Variants in BRWD3 observed in about 807,000 individuals in gnomAD.
BRWD3 encodes the protein bromodomain and WD repeat domain containing 3.
Under a neutral mutation model 149.7 loss-of-function variants are expected in BRWD3, and 10 were observed. That is an observed-to-expected ratio of 0.07 (90% CI 0.04 to 0.11). The LOEUF is 0.11. Among genes scored for constraint, BRWD3 ranks in the 10% least tolerant of loss-of-function variants. BRWD3 has a pLI of 1.00. For missense variants in BRWD3, 940 were observed against 1,373.2 expected (o/e 0.68, Z 4.99); for synonymous variants, 504 against 456.7 (o/e 1.10, Z -1.32).
chrX:80,732,940 C>A (rs997865462), intron 12 of BRWD3, among the ~76,000 whole-genome samples: 1 of 111,029 alleles, frequency 9.0e-6, no homozygotes, highest in Non-Finnish European at 1.9e-5. Context: ...GAGATCAAGA[C>A]CATCCTGGTG....
At chrX:80,744,515 T>A (rs1484780406) in intron 7 of BRWD3, among the ~76,000 whole-genome samples, 1 of 112,421 alleles carries the variant, frequency 8.9e-6, no homozygotes, top group Non-Finnish European at 1.9e-5. Flanking sequence ...CAAAATATTT[T>A]AAACTCACTT....
intron 9 of BRWD3, among the ~76,000 whole-genome samples, chrX:80,735,420 ATT>A: frequency 1.8e-5 from 2 of 111,781 alleles, no homozygotes; most frequent in Non-Finnish European, 3.8e-5. Flanking sequence ...TATTAACCAT[ATT>A]ACTTACTACT....
At chrX:80,689,746 C>T (rs2072585856) in intron 33 of BRWD3, 22 bp downstream of exon 33, 1 of 1,149,412 alleles carries the variant, frequency 8.7e-7, no homozygotes, top group South Asian at 1.8e-5. Flanking sequence ...CTCATTCCTA[C>T]TAATCATGCT....
chrX:80,741,827 C>T (rs1391017595), intron 8 of BRWD3, among the ~76,000 whole-genome samples: 2 of 111,695 alleles, frequency 1.8e-5, no homozygotes, highest in Admixed American at 1.9e-4. Flanking sequence ...GTCAGATGAG[C>T]AGGTTGCAAA....
rs1338951519 is a variant in BRWD3 at position 80,731,892 on chromosome X, C to G, written c.1127+1564G>C. Among the ~76,000 whole-genome samples, 9 of 54,388 alleles carry G rather than the reference C, an allele frequency of 1.7e-4. No individual in the cohort carries two copies. The Admixed American group carries it at 2.4e-3, about 15-fold the overall frequency. 47.2% of individuals were successfully genotyped at this position (54,388 alleles called of 115,157 possible). On this transcript the variant is annotated intron_variant, in intron 12 of 40. Coordinates refer to ENST00000373275, the MANE Select transcript of BRWD3 (RefSeq NM_153252.5). The stretch of plus-strand genomic sequence containing the variant: ...CCTGGGTGACAGAGCGAGACTCTGT[C>G]TCAAAAAAAAAAAAAAAAAAAAAAA...
intron 18 of BRWD3, 34 bp downstream of exon 18, chrX:80,719,455 A>G: frequency 8.7e-7 from 1 of 1,147,276 alleles, no homozygotes; most frequent in South Asian, 1.8e-5. Context: ...TACAGTACAT[A>G]AACTACACCC....
chrX:80,754,913 C>A (rs899105349), intron 6 of BRWD3, among the ~76,000 whole-genome samples: 1 of 111,221 alleles, frequency 9.0e-6, no homozygotes, highest in Non-Finnish European at 1.9e-5. Context: ...GAGGCTGAGG[C>A]CAGAGAATCT....
chrX:80,788,475 G>A (rs189929587), intron 6 of BRWD3, among the ~76,000 whole-genome samples: 5 of 111,751 alleles, frequency 4.5e-5, no homozygotes, highest in East Asian at 2.8e-4. Context: ...GATACCAACC[G>A]ACAGTATCAG....
At chrX:80,771,010 A>G (rs2073937733) in intron 6 of BRWD3, among the ~76,000 whole-genome samples, 1 of 111,680 alleles carries the variant, frequency 9.0e-6, no homozygotes, top group Non-Finnish European at 1.9e-5. Flanking sequence ...CAATTGCTAC[A>G]AAGAGAATAA....
In BRWD3 at chrX:80,750,893, C is replaced by CACACACACAT. The variant is rs1555977578; in HGVS notation, c.431-5165_431-5164insATGTGTGTGT. Among the ~76,000 whole-genome samples the CACACACACAT allele has an allele frequency of 1.8e-3, 191 of 107,137 alleles. 1 individual carries two copies. Among genetic ancestry groups the CACACACACAT allele is most frequent in the African/African-American group, 6.2e-3 (183 of 29,430 alleles). 93.0% of individuals were successfully genotyped at this position (107,137 alleles called of 115,157 possible). A position where few individuals can be genotyped will look rare whatever the true frequency, so the allele number is the denominator to read the frequency against. ...ACACACACACACACACACACACACA[C>CACACACACAT]GCAAAAATCATTAAGTCTTATAAAG... On this transcript the variant is annotated intron_variant, in intron 6 of 40. Coordinates refer to ENST00000373275, the MANE Select transcript of BRWD3 (RefSeq NM_153252.5).
chrX:80,744,928 C>T (rs777602626), intron 7 of BRWD3, among the ~76,000 whole-genome samples: 2 of 111,709 alleles, frequency 1.8e-5, no homozygotes, highest in South Asian at 7.4e-4. Context: ...TCCCGAATAA[C>T]TTCCACTTCA....
intron 21 of BRWD3, among the ~76,000 whole-genome samples, chrX:80,708,157 A>ACC (rs1022957659): frequency 3.6e-5 from 4 of 111,846 alleles, no homozygotes; most frequent in Admixed American, 2.9e-4. Context: ...GCACTTTGGA[A>ACC]GGCCAAGGCA....
intron 13 of BRWD3, 123 bp downstream of exon 13, chrX:80,729,793 A>C (rs2073300203): frequency 1.9e-6 from 1 of 531,014 alleles, no homozygotes; most frequent in East Asian, 3.8e-5. Flanking sequence ...TACAGATGCA[A>C]ACTTCATGTC....
chrX:80,770,858 G>A (rs1047541259), intron 6 of BRWD3, among the ~76,000 whole-genome samples: 11 of 111,699 alleles, frequency 9.8e-5, no homozygotes, highest in African/African-American at 3.6e-4. Context: ...AAACCCCACT[G>A]TCTCAGCCCA....
rs754156762 is a variant in BRWD3, at chrX:80,772,903, C to G, written c.430+18951G>C. Among the ~76,000 whole-genome samples, 6 of 112,024 alleles carry G rather than the reference C, an allele frequency of 5.4e-5. No homozygotes were observed. The East Asian group carries it at 1.7e-3, about 32-fold the overall frequency. ...GACATCCATACCACAGAATATCACT[C>G]AGCAATGAAAAGGAATGAATACTGA... On this transcript the variant is annotated intron_variant, in intron 6 of 40. Transcript: ENST00000373275.
chrX:80,766,670 C>T (rs911232653), intron 6 of BRWD3, among the ~76,000 whole-genome samples: 5 of 111,794 alleles, frequency 4.5e-5, no homozygotes, highest in African/African-American at 1.3e-4. Flanking sequence ...GGAACAGCTC[C>T]GGTCTGCAGC....
intron 30 of BRWD3, 136 bp from the exon 31 acceptor site, chrX:80,691,309 A>T: frequency 6.1e-6 from 4 of 651,283 alleles, no homozygotes; most frequent in Non-Finnish European, 9.2e-6. Context: ...TCCATTATAC[A>T]AACAGAACGT....
intron 37 of BRWD3, 126 bp from the exon 38 acceptor site, chrX:80,682,754 T>C: frequency 4.7e-6 from 3 of 634,113 alleles, no homozygotes; most frequent in Non-Finnish European, 4.7e-6. Flanking sequence ...AAAATTCTTC[T>C]CAAATAACTA....
intron 6 of BRWD3, among the ~76,000 whole-genome samples, chrX:80,786,113 C>T (rs1416439979): frequency 9.0e-6 from 1 of 111,412 alleles, no homozygotes; most frequent in Non-Finnish European, 1.9e-5. Context: ...CTTACCTGTT[C>T]CCATATTACT....
Sources: allele counts gnomAD v4.1 joint callset (sites outside exome capture counted in the v4.1 genomes callset), GRCh38; gene constraint gnomAD v4.1.1; transcripts MANE v1.5; gene names NCBI Gene and HGNC (gene_info 2026-07-23, HGNC 2026-07-21).